Variants in SRSF5 observed in about 807,000 individuals in gnomAD.
SRSF5 encodes serine and arginine rich splicing factor 5.
SRSF5 carries 5 observed loss-of-function variants against 34.0 expected under a neutral mutation model. That is an observed-to-expected ratio of 0.15 (90% CI 0.08 to 0.31). SRSF5 has a LOEUF of 0.31. SRSF5 is among the 10% of genes least tolerant of loss of function. SRSF5 has a pLI of 1.00. For missense variants in SRSF5, 223 were observed against 351.4 expected (o/e 0.63, Z 2.92); for synonymous variants, 164 against 117.7 (o/e 1.39, Z -2.55).
rs749441031 is a variant in SRSF5, at chr14:69,770,576, T to C, written c.440+36T>C. 12 of 1,576,428 alleles carry C rather than the reference T, an allele frequency of 7.6e-6. No individual in the cohort carries two copies. The East Asian group carries it at 2.2e-4, about 29-fold the overall frequency. On this transcript the variant is annotated intron_variant, in intron 6 of 7. Transcript: ENST00000557154. Reference sequence around the variant, plus strand: ...GAAACTGTGAAAGTCTTTAAAAATATCCGGAAAATTTTACTGTGAACTTAG... The same window carrying C: ...GAAACTGTGAAAGTCTTTAAAAATACCCGGAAAATTTTACTGTGAACTTAG...
intron 5 of SRSF5, chr14:69,769,657 C>G: frequency 2.0e-6 from 3 of 1,522,950 alleles, no homozygotes; most frequent in Non-Finnish European, 1.8e-6. Flanking sequence ...GTTTGCCGGT[C>G]TAGACGTTAT....
chr14:69,770,195 C>G (rs1213927034), intron 5 of SRSF5: 4 of 1,095,246 alleles, frequency 3.7e-6, no homozygotes, highest in Non-Finnish European at 4.4e-6. Flanking sequence ...GTTTTTTTTT[C>G]TTTTGTACTG....
At chr14:69,767,286 T>C (rs1346228443) in intron 1 of SRSF5, 31 bp downstream of exon 1, 1 of 410,548 alleles carries the variant, frequency 2.4e-6, no homozygotes, top group Admixed American at 3.5e-5. Flanking sequence ...GCAAGCCTTC[T>C]CGGATCGAGG....
intron 5 of SRSF5, chr14:69,769,906 G>C: frequency 2.7e-6 from 3 of 1,130,918 alleles, no homozygotes; most frequent in Non-Finnish European, 3.3e-6. Context: ...AGGGAGGGCT[G>C]TGCGATTAAA....
chr14:69,770,425 C>G (rs1883062378), intron 5 of SRSF5, 42 bp from the exon 6 acceptor site: 6 of 1,601,054 alleles, frequency 3.7e-6, no homozygotes, highest in Non-Finnish European at 5.1e-6. Context: ...TTTGTGTGTC[C>G]CCTTTCCTCT....
chr14:69,767,532 G>T (rs1449232560), intron 1 of SRSF5: 1 of 455,898 alleles, frequency 2.2e-6, no homozygotes, highest in Non-Finnish European at 4.4e-6. Flanking sequence ...TAGAATAGTG[G>T]GCCGGGATCT....
chr14:69,767,549 C>G, intron 1 of SRSF5: 1 of 456,014 alleles, frequency 2.2e-6, no homozygotes, highest in South Asian at 1.5e-5. Context: ...ATCTCCCTGA[C>G]TTTGCTGGCG....
chr14:69,771,443 A>T lies in SRSF5; in HGVS notation c.801A>T (p.Ser267=). The change falls in exon 8 of 8, where the codon TCA becomes TCT. Residue 267 remains serine, a synonymous_variant. Coordinates refer to ENST00000557154, the MANE Select transcript of SRSF5 (RefSeq NM_001320214.2). ...QRSRSRSRSR[S]VDSGN ...CCCGGTCCCGATCAAGGTCCAGATC[A>T]GTTGACAGTGGCAATTAAACTGTAA... The T allele has an allele frequency of 1.9e-6, 3 of 1,614,090 alleles. No individual in the cohort carries two copies. In the South Asian group the frequency reaches 3.3e-5, roughly 18 times the overall value.
intron 3 of SRSF5, 25 bp from the exon 4 acceptor site, chr14:69,768,773 G>A (rs770459743): frequency 3.7e-6 from 6 of 1,613,040 alleles, no homozygotes; most frequent in South Asian, 3.3e-5. Flanking sequence ...AGTGTGTAAC[G>A]GAGATTTTTC....
chr14:69,771,494 T>G lies in SRSF5; in HGVS notation c.*33T>G. ...ATAACTTGCCCTGGGGGCCTTTTTT[T>G]AAAAAACAAAAACCACAAAAATTCC... On this transcript the variant is annotated 3_prime_UTR_variant, in exon 8 of 8. Coordinates refer to ENST00000557154, the MANE Select transcript of SRSF5 (RefSeq NM_001320214.2). 5 of 1,395,090 alleles carry G rather than the reference T, an allele frequency of 3.6e-6. No homozygotes were observed. Among genetic ancestry groups the G allele is most frequent in the Non-Finnish European group, 4.7e-6 (5 of 1,052,784 alleles). 86.4% of individuals were successfully genotyped at this position (1,395,090 alleles called of 1,614,324 possible). A position where few individuals can be genotyped will look rare whatever the true frequency, so the allele number is the denominator to read the frequency against.
intron 1 of SRSF5, chr14:69,767,618 A>C: frequency 2.3e-6 from 1 of 440,962 alleles, no homozygotes; most frequent in Non-Finnish European, 4.5e-6. Context: ...GGTTGCTGGG[A>C]GGAGAAGGGA....
At chr14:69,768,706 G>A in intron 3 of SRSF5, 32 bp downstream of exon 3, 2 of 1,611,958 alleles carry the variant, frequency 1.2e-6, no homozygotes, top group Non-Finnish European at 1.7e-6. Flanking sequence ...ATAACCCTGG[G>A]ACATAGAGCA....
intron 6 of SRSF5, 110 bp downstream of exon 6, chr14:69,770,650 A>C: frequency 9.4e-7 from 1 of 1,060,074 alleles, no homozygotes; most frequent in Admixed American, 2.2e-5. Context: ...GATTCTCCAG[A>C]GACAATTTTG....
chr14:69,768,154 A>C lies in SRSF5; in HGVS notation c.-3A>C. ...TTCTAATAGGAAGTACTAGCCGGAC[A>C]TCATGAGTGGCTGTCGGGTATTCAT... On this transcript the variant is annotated 5_prime_UTR_variant, in exon 2 of 8. Transcript: ENST00000557154. 1 of 1,614,230 alleles carries C rather than the reference A, an allele frequency of 6.2e-7. No homozygotes were observed. The highest frequency in any genetic ancestry group is 1.1e-5 in the South Asian group (1 of 91,092).
Position 69,769,159 on chromosome 14 carries a change from T to A in SRSF5, c.297-23T>A, listed in dbSNP as rs564194097. The A allele has an allele frequency of 3.7e-6, 6 of 1,613,908 alleles. No homozygotes were observed. In the East Asian group the frequency reaches 1.1e-4, roughly 30 times the overall value. ...TGCTGTCATTGCATTTCTTCCATTG[T>A]GAATACGAATTTTCTTCCTCAGAAA... is the stretch of plus-strand genomic sequence containing the variant. On this transcript the variant is annotated intron_variant, in intron 4 of 7. Transcript: ENST00000557154.
At chr14:69,769,367 T>C in intron 5 of SRSF5, 116 bp downstream of exon 5, 1 of 1,507,964 alleles carries the variant, frequency 6.6e-7, no homozygotes, top group Non-Finnish European at 8.9e-7. Flanking sequence ...TTTAATGGAA[T>C]TGTAATTTTA....
chr14:69,769,000 G>C (rs1882885871), intron 4 of SRSF5, 104 bp downstream of exon 4: 3 of 1,337,696 alleles, frequency 2.2e-6, no homozygotes, highest in Admixed American at 3.7e-5. Flanking sequence ...CGTATAATCT[G>C]TTCTTCTATT....
In SRSF5 at chr14:69,771,421, G is replaced by T. The variant is rs191376708; in HGVS notation, c.779G>T (p.Arg260Leu). ...GCATCTGTGGATCGCCAGAGGTCCC[G>T]GTCCCGATCAAGGTCCAGATCAGTT... ...SPASVDRQRS[R>L]SRSRSRSVDS... Residue 260 changes from arginine to leucine, a missense_variant, in exon 8 of 8, where the codon CGG (arginine) becomes CTG (leucine). Arg to Leu is a moderately radical substitution (Grantham distance 102, BLOSUM62 -2). Coordinates refer to ENST00000557154, the MANE Select transcript of SRSF5 (RefSeq NM_001320214.2). 1.2e-6 allele frequency: 2 copies of T among 1,613,934 alleles called. No individual in the cohort carries two copies. The highest frequency in any genetic ancestry group is 1.7e-6 in the Non-Finnish European group (2 of 1,179,956).
Position 69,770,803 on chromosome 14 carries a change from C to T in SRSF5, c.441-192C>T. ...AGCATCCCACGGTGCATAGGGAACC[C>T]CCTCAACAATGAATTGGCTCAAAGT... On this transcript the variant is annotated intron_variant, in intron 6 of 7. Coordinates refer to ENST00000557154, the MANE Select transcript of SRSF5 (RefSeq NM_001320214.2). 6.1e-6 allele frequency: 4 copies of T among 654,492 alleles called. 1 individual carries two copies. The East Asian group carries it at 1.1e-4, about 18-fold the overall frequency. The allele number at this position is 654,492 out of a possible 1,614,324, so 40.5% of individuals were successfully genotyped here.
Sources: gnomAD v4.1 joint callset for allele counts on GRCh38, gnomAD v4.1.1 for gene constraint, MANE v1.5 for transcripts, NCBI Gene and HGNC (gene_info 2026-07-23, HGNC 2026-07-21) for gene names.